RIGI: variants seen among roughly 807,000 people sequenced by gnomAD.
RIGI encodes the protein RNA sensor RIG-I, also known as antiviral innate immune response receptor RIG-I.
the RIGI span, among the ~76,000 whole-genome samples, chr9:32,471,293 A>G: frequency 3.9e-5 from 6 of 152,286 alleles, no homozygotes; most frequent in East Asian, 1.2e-3. Context: ...TTTTTTCCTA[A>G]TATATTTCCA....
At chr9:32,525,484 C>T in the RIGI span, among the ~76,000 whole-genome samples, 1 of 152,218 alleles carries the variant, frequency 6.6e-6, no homozygotes, top group Non-Finnish European at 1.5e-5. Context: ...ATGGTCATTA[C>T]CCAGGATCAC....
the RIGI span, among the ~76,000 whole-genome samples, chr9:32,504,988 A>T: frequency 1.3e-4 from 17 of 130,652 alleles, no homozygotes; most frequent in Non-Finnish European, 2.0e-4. Context: ...TATCATATAT[A>T]TTTTATATAT....
At chr9:32,511,452 G>A in the RIGI span, among the ~76,000 whole-genome samples, 114 of 152,260 alleles carry the variant, frequency 7.5e-4, 1 homozygote, top group African/African-American at 2.6e-3. Context: ...ACAACTACAT[G>A]GAAACTGAAC....
chr9:32,513,566 C>A, the RIGI span, among the ~76,000 whole-genome samples: 2 of 152,140 alleles, frequency 1.3e-5, no homozygotes, highest in African/African-American at 4.8e-5. Context: ...ACACCTTAGA[C>A]AAAAATTAAC....
the RIGI span, chr9:32,485,092 T>A: frequency 9.8e-7 from 1 of 1,017,724 alleles, no homozygotes; most frequent in Non-Finnish European, 1.5e-6. Context: ...TTGTCTGAAC[T>A]AAGGAGAACA....
the RIGI span, among the ~76,000 whole-genome samples, chr9:32,479,250 TG>T: frequency 6.6e-6 from 1 of 152,250 alleles, no homozygotes; most frequent in Non-Finnish European, 1.5e-5. Context: ...TTATAAATTG[TG>T]GTTTGTATAA....
the RIGI span, among the ~76,000 whole-genome samples, chr9:32,518,413 C>T: frequency 1.3e-5 from 2 of 149,288 alleles, no homozygotes; most frequent in African/African-American, 2.5e-5. Flanking sequence ...AGAAAAAGAA[C>T]GAAAATCCAG....
the RIGI span, among the ~76,000 whole-genome samples, chr9:32,496,371 C>G: frequency 6.6e-6 from 1 of 152,156 alleles, no homozygotes; most frequent in Non-Finnish European, 1.5e-5. Context: ...GTTTTCAGAA[C>G]AGATTATCAT....
the RIGI span, chr9:32,498,372 A>C: frequency 3.3e-5 from 15 of 456,362 alleles, no homozygotes; most frequent in Non-Finnish European, 5.7e-5. Context: ...ATATTTGGTC[A>C]CCCTATTCAG....
the RIGI span, among the ~76,000 whole-genome samples, chr9:32,480,514 T>C: frequency 2.0e-5 from 3 of 152,360 alleles, no homozygotes; most frequent in Non-Finnish European, 2.9e-5. Flanking sequence ...CTAACAGTTA[T>C]GTAACAAAAT....
chr9:32,495,857 A>G, the RIGI span, among the ~76,000 whole-genome samples: 1 of 151,962 alleles, frequency 6.6e-6, no homozygotes, highest in African/African-American at 2.4e-5. Context: ...GGGTTTTGCC[A>G]TGTTGGCCAG....
At chr9:32,472,131 T>G in the RIGI span, among the ~76,000 whole-genome samples, 1 of 152,192 alleles carries the variant, frequency 6.6e-6, no homozygotes, top group East Asian at 1.9e-4. Context: ...GATTTCAGAA[T>G]TGTCTGCTTG....
chr9:32,499,126 G>T, the RIGI span, among the ~76,000 whole-genome samples: 1 of 151,878 alleles, frequency 6.6e-6, no homozygotes, highest in African/African-American at 2.4e-5. Flanking sequence ...TCCTAATTGG[G>T]CTGAGAATCT....
chr9:32,485,027 A>C, the RIGI span: 185 of 560,222 alleles, frequency 3.3e-4, 1 homozygote, highest in Non-Finnish European at 4.7e-4. Flanking sequence ...AGGACATATA[A>C]GGCTCCTAAA....
chr9:32,498,844 G>C, the RIGI span, among the ~76,000 whole-genome samples: 1 of 152,014 alleles, frequency 6.6e-6, no homozygotes, highest in Non-Finnish European at 1.5e-5. Context: ...TTAGCCAGAT[G>C]TGGTGGTGGC....
the RIGI span, among the ~76,000 whole-genome samples, chr9:32,497,438 G>C: frequency 2.0e-5 from 3 of 152,226 alleles, no homozygotes; most frequent in East Asian, 1.9e-4. Flanking sequence ...AAATCTTTAG[G>C]GTTTTCTACA....
the RIGI span, among the ~76,000 whole-genome samples, chr9:32,509,507 G>C: frequency 6.6e-6 from 1 of 152,158 alleles, no homozygotes; most frequent in Non-Finnish European, 1.5e-5. Context: ...GCAGCTGAGG[G>C]GCCTGTTAGA....
chr9:32,491,062 T>C, the RIGI span, among the ~76,000 whole-genome samples: 25,163 of 151,898 alleles, frequency 0.17, 2,204 homozygotes, highest in Non-Finnish European at 0.21. Context: ...CATACTTTCT[T>C]AGTGGTAGAA....
At chr9:32,470,351 G>A in the RIGI span, among the ~76,000 whole-genome samples, 1 of 152,192 alleles carries the variant, frequency 6.6e-6, no homozygotes, top group African/African-American at 2.4e-5. Context: ...TAGGCTCTGT[G>A]GGTCATGCTG....
Sources: gnomAD v4.1 joint callset for allele counts (sites outside exome capture counted in the v4.1 genomes callset) on GRCh38, gnomAD v4.1.1 for gene constraint, MANE v1.5 for transcripts, NCBI Gene and HGNC (gene_info 2026-07-23, HGNC 2026-07-21) for gene names.